The following AK4 variants were observed in gnomAD, a reference collection of about 807,000 sequenced individuals.
The protein encoded by AK4 is adenylate kinase 4, mitochondrial.
A neutral mutation model predicts 24.6 loss-of-function variants in AK4; 13 were observed. The observed-to-expected ratio is 0.53, with a 90% confidence interval of 0.34 to 0.84. The LOEUF is 0.84. Among genes scored for constraint, AK4 ranks in the 40% least tolerant of loss-of-function variants. AK4 has a pLI of 0.01. For missense variants in AK4, 192 were observed against 288.2 expected, an observed-to-expected ratio of 0.67 and a Z score of 2.42; for synonymous variants, 88 against 107.0, an observed-to-expected ratio of 0.82 and a Z score of 1.10.
intron 2 of AK4, among the ~76,000 whole-genome samples, chr1:65,199,431 C>T (rs1651593554): frequency 1.3e-5 from 2 of 151,876 alleles, no homozygotes; most frequent in South Asian, 4.2e-4. Context: ...CGCTTGTAGT[C>T]CCAGCTACTC....
intron 2 of AK4, among the ~76,000 whole-genome samples, chr1:65,214,106 GTTGT>G (rs368268073): frequency 4.6e-4 from 70 of 151,968 alleles, no homozygotes; most frequent in Middle Eastern, 3.4e-3. Context: ...TGTTGTTGTT[GTTGT>G]TTGTTTGTTT....
chr1:65,171,477 T>G (rs1293723861), intron 1 of AK4, among the ~76,000 whole-genome samples: 1 of 151,762 alleles, frequency 6.6e-6, no homozygotes, highest in Non-Finnish European at 1.5e-5. Flanking sequence ...CCGGCTAATT[T>G]TGTTTTTTCA....
intron 2 of AK4, among the ~76,000 whole-genome samples, chr1:65,207,387 T>A (rs892682883): frequency 6.6e-5 from 10 of 152,102 alleles, no homozygotes; most frequent in African/African-American, 2.4e-4. Context: ...CAGGACCCAC[T>A]TATTTCAAAT....
intron 2 of AK4, 26 bp downstream of exon 2, chr1:65,190,855 A>C: frequency 6.2e-7 from 1 of 1,610,934 alleles, no homozygotes; most frequent in Non-Finnish European, 8.5e-7. Context: ...GGGTAAACCG[A>C]ATTTCTGGGA....
chr1:65,208,288 A>C (rs539270040), intron 2 of AK4, among the ~76,000 whole-genome samples: 6 of 152,290 alleles, frequency 3.9e-5, no homozygotes, highest in African/African-American at 1.4e-4. Context: ...GAGGTCTTTG[A>C]TACATGTACA....
intron 1 of AK4, chr1:65,154,515 A>G: frequency 1.9e-6 from 1 of 526,722 alleles, no homozygotes; most frequent in Non-Finnish European, 3.8e-6. Flanking sequence ...GCCACTGCTG[A>G]AAATTCAGCC....
chr1:65,184,499 T>C (rs548737237), intron 1 of AK4, among the ~76,000 whole-genome samples: 1 of 152,248 alleles, frequency 6.6e-6, no homozygotes, highest in Non-Finnish European at 1.5e-5. Context: ...TTACATTTAT[T>C]TGAAACCTTC....
chr1:65,156,925 C>CAAAAA (rs71829208), intron 1 of AK4, among the ~76,000 whole-genome samples: 5 of 81,384 alleles, frequency 6.1e-5, no homozygotes, highest in African/African-American at 1.5e-4. Flanking sequence ...GACTGTGTCT[C>CAAAAA]AAAAAAAAAA....
chr1:65,170,368 A>T (rs932777758), intron 1 of AK4, among the ~76,000 whole-genome samples: 2 of 150,946 alleles, frequency 1.3e-5, no homozygotes, highest in Non-Finnish European at 3.0e-5. Context: ...ACTCCGTCTC[A>T]CACACACACA....
At chr1:65,165,126 T>C (rs1431657187) in intron 1 of AK4, among the ~76,000 whole-genome samples, 1 of 152,200 alleles carries the variant, frequency 6.6e-6, no homozygotes, top group African/African-American at 2.4e-5. Flanking sequence ...GCTATAAAAA[T>C]AGGAATGAAA....
At chr1:65,220,979 G>A (rs1450607460) in intron 3 of AK4, among the ~76,000 whole-genome samples, 1 of 152,126 alleles carries the variant, frequency 6.6e-6, no homozygotes, top group East Asian at 1.9e-4. Context: ...TGCAGAGTGG[G>A]TAGTTAAGTG....
At chr1:65,155,040 G>T (rs1020296710) in intron 1 of AK4, among the ~76,000 whole-genome samples, 3 of 151,286 alleles carry the variant, frequency 2.0e-5, no homozygotes, top group African/African-American at 7.3e-5. Context: ...TAATAGAGAC[G>T]GGGTTTCACC....
intron 2 of AK4, among the ~76,000 whole-genome samples, chr1:65,208,900 GC>G (rs1190889961): frequency 6.6e-6 from 1 of 152,172 alleles, no homozygotes; most frequent in Middle Eastern, 3.2e-3. Context: ...GCTGGGAGGA[GC>G]AGGTGCCAAG....
intron 1 of AK4, among the ~76,000 whole-genome samples, chr1:65,173,368 A>G (rs1171762814): frequency 6.6e-6 from 1 of 152,128 alleles, no homozygotes. Flanking sequence ...CCAGCTTTAT[A>G]TACCGAATTA....
intron 1 of AK4, among the ~76,000 whole-genome samples, chr1:65,166,993 G>A (rs1377846386): frequency 6.6e-6 from 1 of 152,194 alleles, no homozygotes; most frequent in Non-Finnish European, 1.5e-5. Flanking sequence ...TTAGCTAGGT[G>A]TGGTGGCTTG....
Position 65,226,078 on chromosome 1 carries a change from C to T in AK4, c.573C>T (p.Leu191=), listed in dbSNP as rs1652447659. 6.2e-7 allele frequency: 1 copy of T among 1,611,736 alleles called. No homozygotes were observed. The highest frequency in any genetic ancestry group is 1.3e-5 in the African/African-American group (1 of 74,844). Residue 191 remains leucine, a synonymous_variant, in exon 5 of 5, where the codon CTC becomes CTT. Coordinates refer to ENST00000327299, the MANE Select transcript of AK4 (RefSeq NM_013410.4). ...VIELYKSRGV[L]HQFSGTETNK... is the part of the protein sequence containing the mutation. ...TGTTTTTCAGGAGCCGAGGAGTGCT[C>T]CACCAATTTTCCGGAACGGAGACGA...
intron 3 of AK4, among the ~76,000 whole-genome samples, chr1:65,222,831 C>T (rs1390045759): frequency 1.3e-5 from 2 of 152,156 alleles, no homozygotes; most frequent in African/African-American, 4.8e-5. Flanking sequence ...CTGTGCCTCT[C>T]AGTTCTGTTC....
chr1:65,148,391 C>G lies in AK4; in HGVS notation c.-17C>G. The G allele has an allele frequency of 6.5e-7, 1 of 1,527,294 alleles. No homozygotes were observed. The highest frequency in any genetic ancestry group is 2.1e-5 in the Admixed American group (1 of 46,752). 94.6% of individuals were successfully genotyped at this position (1,527,294 alleles called of 1,614,324 possible). On this transcript the variant is annotated 5_prime_UTR_variant, in exon 1 of 5. Transcript: ENST00000327299. ...GTCGGGGCTGCGCGTTTGACCGCCC[C>G]CCTCCTCGCGAAGGCAATGGCTTCC...
At chr1:65,162,508 G>A (rs1193240904) in intron 1 of AK4, among the ~76,000 whole-genome samples, 1 of 152,030 alleles carries the variant, frequency 6.6e-6, no homozygotes. Context: ...CAGCTATACT[G>A]AATATAAAAT....
Sources: allele counts gnomAD v4.1 joint callset (sites outside exome capture counted in the v4.1 genomes callset), GRCh38; gene constraint gnomAD v4.1.1; transcripts MANE v1.5; gene names NCBI Gene and HGNC (gene_info 2026-07-23, HGNC 2026-07-21).